Variants in PCDHA3 observed in about 807,000 individuals in gnomAD.
The protein encoded by PCDHA3 is protocadherin alpha-3.
A neutral mutation model predicts 62.2 loss-of-function variants in PCDHA3; 41 were observed. That is an observed-to-expected ratio of 0.66 (90% CI 0.51 to 0.86). The LOEUF is 0.86. Among genes scored for constraint, PCDHA3 ranks in the 40% least tolerant of loss-of-function variants. The probability of loss-of-function intolerance (pLI) is 0.00; values close to 1 mark genes in which losing one functional copy is unlikely to be tolerated. For synonymous variants in PCDHA3, 640 were observed against 555.4 expected, an observed-to-expected ratio of 1.15 and a Z score of -2.14; for missense variants, 1,304 against 1,241.2, an observed-to-expected ratio of 1.05 and a Z score of -0.76.
At chr5:140,842,503 C>T (rs2150337582) in intron 1 of PCDHA3, 40 of 1,613,818 alleles carry the variant, frequency 2.5e-5, no homozygotes, top group South Asian at 2.0e-4. Context: ...CCCATGTCCC[C>T]TTCAAGCTGG....
Position 140,823,821 on chromosome 5 carries a change from G to A in PCDHA3, c.2394+20230G>A, listed in dbSNP as rs1386534118. On this transcript the variant is annotated intron_variant, in intron 1 of 3. Transcript: ENST00000522353. ...CGCCGAAGGCCTCATCGCGGGCGTC[G>A]GCGGGCGCTGTGGGTCCCGAGGCTG... 6 of 1,613,682 alleles carry A rather than the reference G, an allele frequency of 3.7e-6. No homozygotes were observed. In the African/African-American group the frequency reaches 4.0e-5, roughly 11 times the overall value.
intron 3 of PCDHA3, among the ~76,000 whole-genome samples, chr5:140,990,589 C>G (rs1208213426): frequency 6.6e-6 from 1 of 152,196 alleles, no homozygotes; most frequent in African/African-American, 2.4e-5. Flanking sequence ...TTCCTATAAT[C>G]ACCTGGAGTC....
At chr5:140,905,036 T>A (rs2071554831) in intron 1 of PCDHA3, among the ~76,000 whole-genome samples, 1 of 152,222 alleles carries the variant, frequency 6.6e-6, no homozygotes, top group Non-Finnish European at 1.5e-5. Flanking sequence ...AGCTTTTTAG[T>A]TTAATTAGGT....
chr5:140,857,812 C>T lies in PCDHA3; in HGVS notation c.2394+54221C>T. ...TGCTGCGGTCGGTGGTTGCGGGTCACGTGGTGGCTAAGGTGCGCGCAGTGG... is the reference window on the plus strand; with the variant it reads ...TGCTGCGGTCGGTGGTTGCGGGTCATGTGGTGGCTAAGGTGCGCGCAGTGG... On this transcript the variant is annotated intron_variant, in intron 1 of 3. Transcript: ENST00000522353. 3.1e-6 allele frequency: 5 copies of T among 1,597,698 alleles called. 1 individual carries two copies. The highest frequency in any genetic ancestry group is 2.2e-5 in the East Asian group (1 of 44,814).
intron 1 of PCDHA3, chr5:140,883,347 G>A (rs782384832): frequency 3.7e-6 from 6 of 1,614,046 alleles, no homozygotes; most frequent in African/African-American, 1.3e-5. Flanking sequence ...CTCCCCATCA[G>A]AGAAGACACT....
Position 141,009,859 on chromosome 5 carries a change from G to A in PCDHA3, c.2775G>A (p.Lys925=). The A allele has an allele frequency of 1.2e-6, 2 of 1,613,884 alleles. No homozygotes were observed. Among genetic ancestry groups the A allele is most frequent in the Non-Finnish European group, 1.7e-6 (2 of 1,179,960 alleles). The part of the protein sequence containing the change: ...TFGKKEETKK[K]KKKKKGNKTQ... ...GCAAAAAGGAGGAGACCAAGAAAAA[G>A]AAGAAAAAGAAGAAGGGTAACAAGA... The change falls in exon 4 of 4, where the codon AAG becomes AAA. Residue 925 remains lysine (K), a synonymous_variant. Transcript: ENST00000522353.
rs2150358233 is a variant in PCDHA3 at position 140,843,360 on chromosome 5, C to G, written c.2394+39769C>G. On this transcript the variant is annotated intron_variant, in intron 1 of 3. Coordinates refer to ENST00000522353, the MANE Select transcript of PCDHA3 (RefSeq NM_018906.3). Reference sequence around the variant, plus strand: ...AGCGGCCAGGCTCCAAAAGCGTCATCGAGGCAGTCGGCTGGCGTTTTGGGT... The same window carrying G: ...AGCGGCCAGGCTCCAAAAGCGTCATGGAGGCAGTCGGCTGGCGTTTTGGGT... 32 of 1,596,088 alleles carry G rather than the reference C, an allele frequency of 2.0e-5. 6 individuals carry two copies. Among genetic ancestry groups the G allele is most frequent in the Non-Finnish European group, 2.6e-5 (30 of 1,165,594 alleles).
Position 141,009,816 on chromosome 5 carries a change from G to A in PCDHA3, c.2732G>A (p.Ser911Asn). ...QEPTNSQIDK[S>N]DFITFGKKEE... Reference sequence around the variant, plus strand: ...CCTACTAACAGCCAAATTGACAAAAGTGACTTCATAACCTTCGGCAAAAAG... The same window carrying A: ...CCTACTAACAGCCAAATTGACAAAAATGACTTCATAACCTTCGGCAAAAAG... Residue 911 changes from serine to asparagine, a missense_variant, in exon 4 of 4, where the codon AGT (serine) becomes AAT (asparagine). Ser to Asn is a conservative substitution (Grantham distance 46). Transcript: ENST00000522353. 1 of 1,614,044 alleles carries A rather than the reference G, an allele frequency of 6.2e-7. No homozygotes were observed. Among genetic ancestry groups the A allele is most frequent in the African/African-American group, 1.3e-5 (1 of 74,990 alleles).
Position 140,959,507 on chromosome 5 carries a change from T to C in PCDHA3, c.2395-19442T>C, listed in dbSNP as rs144994756. 4.4e-3 allele frequency among the ~76,000 whole-genome samples: 673 copies of C among 152,282 alleles called. 7 individuals are homozygous for C. Among genetic ancestry groups the C allele is most frequent in the African/African-American group, 0.015 (604 of 41,550 alleles). On this transcript the variant is annotated intron_variant, in intron 1 of 3. Coordinates refer to ENST00000522353, the MANE Select transcript of PCDHA3 (RefSeq NM_018906.3). Reference sequence around the variant, plus strand: ...GTTATATATGGATCAAACTAAAAAATTTTAAGATCTTTAAGACCATTAATT... The same window carrying C: ...GTTATATATGGATCAAACTAAAAAACTTTAAGATCTTTAAGACCATTAATT...
intron 1 of PCDHA3, chr5:140,805,157 T>A: frequency 6.4e-7 from 1 of 1,556,692 alleles, no homozygotes; most frequent in Non-Finnish European, 8.6e-7. Flanking sequence ...AATTTTCACT[T>A]CACAGATGTA....
At chr5:140,830,019 C>T (rs2150179652) in intron 1 of PCDHA3, 3 of 1,613,890 alleles carry the variant, frequency 1.9e-6, no homozygotes, top group Admixed American at 1.7e-5. Flanking sequence ...GCGGACTCTC[C>T]GCGCCACCGG....
At chr5:140,898,900 C>T (rs1257410263) in intron 1 of PCDHA3, among the ~76,000 whole-genome samples, 2 of 151,396 alleles carry the variant, frequency 1.3e-5, no homozygotes, top group Non-Finnish European at 3.0e-5. Context: ...TGAAGAGGTC[C>T]TTCACGTCCC....
intron 1 of PCDHA3, chr5:140,822,290 A>T: frequency 6.2e-7 from 1 of 1,614,256 alleles, no homozygotes; most frequent in Non-Finnish European, 8.5e-7. Flanking sequence ...TACAGGTTAA[A>T]TCCAAACGAA....
Position 140,801,161 on chromosome 5 carries a change from A to G in PCDHA3, c.-37A>G. ...TCGAATTATTTTTAAACTTTGGATC[A>G]ATGTAAAGGCAATCTAATATTTGGA... On this transcript the variant is annotated 5_prime_UTR_variant, in exon 1 of 4. Transcript: ENST00000522353. The G allele has an allele frequency of 6.5e-7, 1 of 1,537,562 alleles. No homozygotes were observed. The highest frequency in any genetic ancestry group is 8.7e-7 in the Non-Finnish European group (1 of 1,145,782).
At chr5:140,891,644 T>C (rs1554184907) in intron 1 of PCDHA3, among the ~76,000 whole-genome samples, 1 of 152,246 alleles carries the variant, frequency 6.6e-6, no homozygotes, top group Non-Finnish European at 1.5e-5. Context: ...TGGGCTTTAT[T>C]GTGGATAGTT....
At position 140,836,981 on chromosome 5, in the gene PCDHA3, G is replaced by A. The variant is rs183710042; in HGVS notation, c.2394+33390G>A. ...TGTTGGCTACTCTCCATTTTTGGAG[G>A]AGGACTTTGCTAACTGGAGCAATGG... On this transcript the variant is annotated intron_variant, in intron 1 of 3. Coordinates refer to ENST00000522353, the MANE Select transcript of PCDHA3 (RefSeq NM_018906.3). 6.9e-5 allele frequency: 25 copies of A among 364,912 alleles called. 1 individual carries two copies. The highest frequency in any genetic ancestry group is 8.2e-5 in the Non-Finnish European group (17 of 207,076). The allele number at this position is 364,912 out of a possible 1,614,324, so 22.6% of individuals were successfully genotyped here.
chr5:140,886,753 G>A (rs1434667485), intron 1 of PCDHA3, among the ~76,000 whole-genome samples: 3 of 151,010 alleles, frequency 2.0e-5, no homozygotes, highest in African/African-American at 7.3e-5. Flanking sequence ...TTGAACCCGG[G>A]AGGTGGAGGT....
chr5:140,848,144 G>T, intron 1 of PCDHA3: 2 of 202,506 alleles, frequency 9.9e-6, no homozygotes, highest in Non-Finnish European at 1.0e-5. Flanking sequence ...ACTTTTAGAG[G>T]CAGTCAGTCT....
intron 1 of PCDHA3, among the ~76,000 whole-genome samples, chr5:140,806,461 C>T (rs1240321144): frequency 6.6e-6 from 1 of 152,166 alleles, no homozygotes; most frequent in Non-Finnish European, 1.5e-5. Context: ...GCTATAACTT[C>T]CTGCTTCCTT....
Sources: gnomAD v4.1 joint callset for allele counts (sites outside exome capture counted in the v4.1 genomes callset) on GRCh38, gnomAD v4.1.1 for gene constraint, MANE v1.5 for transcripts, NCBI Gene and HGNC (gene_info 2026-07-23, HGNC 2026-07-21) for gene names.